CCDC38: variants seen among roughly 807,000 people sequenced by gnomAD.
CCDC38 encodes the protein coiled-coil domain-containing protein 38.
A neutral mutation model predicts 72.8 loss-of-function variants in CCDC38; 69 were observed. The ratio of observed to expected loss-of-function variants is 0.95; its 90% CI spans 0.78 to 1.16. The LOEUF (loss-of-function observed/expected upper bound fraction) is 1.16. Ranked by LOEUF, CCDC38 falls within the 50% of genes most tolerant of loss-of-function variation. The probability of loss-of-function intolerance (pLI) is 0.00; values close to 1 mark genes in which losing one functional copy is unlikely to be tolerated. For missense variants in CCDC38, 626 were observed against 638.9 expected (o/e 0.98, Z 0.22); for synonymous variants, 201 against 213.2 (o/e 0.94, Z 0.50).
rs143229261 is a variant in CCDC38 at position 95,879,644 on chromosome 12, G to A, written c.1142C>T (p.Thr381Ile). The change falls in exon 12 of 16, where the codon ACA becomes ATA. Residue 381 changes from threonine (T) to isoleucine (I), a missense_variant and splice_region_variant. By Grantham distance (89) the Thr-to-Ile change is moderately conservative. Coordinates refer to ENST00000344280, the MANE Select transcript of CCDC38 (RefSeq NM_182496.3). This position sits in a 1 kb window ranked among gnomAD's most constrained non-coding sequence, Gnocchi z 5.5. ...AATCTACTTGTTTATAATGACTTAC[G>A]TTTTATCCTGTATAACTTTTTCTCT... ...NKREKVIQDK[T>I]NSNIEFLLEQ... 288 of 1,577,628 alleles carry A rather than the reference G, an allele frequency of 1.8e-4. No individual in the cohort carries two copies. The highest frequency in any genetic ancestry group is 2.3e-4 in the Non-Finnish European group (270 of 1,152,436).
At chr12:95,889,268 C>G (rs1271900163) in intron 9 of CCDC38, 1 of 153,332 alleles carries the variant, frequency 6.5e-6, no homozygotes, top group Non-Finnish European at 1.5e-5. Flanking sequence ...CCTCAGCCTC[C>G]CAAAGTGCTA....
chr12:95,878,122 A>C, intron 13 of CCDC38, 89 bp downstream of exon 13: 3 of 1,430,680 alleles, frequency 2.1e-6, no homozygotes, highest in Non-Finnish European at 2.9e-6. Context: ...GATTTGCTTT[A>C]ACTCTCCTAT....
In CCDC38 at chr12:95,917,202, G is replaced by T. The variant is rs148362004; in HGVS notation, c.231C>A (p.Phe77Leu). The T allele has an allele frequency of 1.1e-5, 18 of 1,610,084 alleles. No individual in the cohort carries two copies. In the African/African-American group the frequency reaches 1.9e-4, roughly 17 times the overall value. Residue 77 changes from phenylalanine to leucine, a missense_variant, in exon 4 of 16, where the codon TTC becomes TTA. Coordinates refer to ENST00000344280, the MANE Select transcript of CCDC38 (RefSeq NM_182496.3). ...KSHSYLSQLA[F>L]YPKRSGRSFE... ...ATGACCTACCACTCCTTTTAGGGTA[G>T]AAAGCTAGTTGGCTCAGGTATGAAT...
chr12:95,918,748 T>C, intron 3 of CCDC38, 128 bp downstream of exon 3: 2 of 630,636 alleles, frequency 3.2e-6, no homozygotes, highest in Non-Finnish European at 5.7e-6. Context: ...CTCCCCATCA[T>C]GGTGTGGGGC....
intron 2 of CCDC38, among the ~76,000 whole-genome samples, chr12:95,923,953 T>C (rs1276764264): frequency 7.3e-6 from 1 of 137,028 alleles, no homozygotes; most frequent in Admixed American, 7.5e-5. Context: ...TGTTGGACAT[T>C]TGGGTTGGTT....
In CCDC38 at chr12:95,882,488, G is replaced by A. The variant is rs187015049; in HGVS notation, c.921-934C>T. On this transcript the variant is annotated intron_variant, in intron 10 of 15. Coordinates refer to ENST00000344280, the MANE Select transcript of CCDC38 (RefSeq NM_182496.3). ...TTGCTTTATTCATGTTGAGTTTGAG[G>A]GGACAAAATACACACCTGGAGCTGC... 3.3e-5 allele frequency among the ~76,000 whole-genome samples: 5 copies of A among 152,244 alleles called. No homozygotes were observed. The East Asian group carries it at 9.7e-4, about 29-fold the overall frequency.
intron 9 of CCDC38, 122 bp from the exon 10 acceptor site, chr12:95,888,628 C>A (rs2079787000): frequency 1.4e-5 from 10 of 740,664 alleles, no homozygotes; most frequent in Non-Finnish European, 1.9e-5. Flanking sequence ...CACAGACATG[C>A]CCATTACTTC....
chr12:95,932,374 C>T (rs1052217987), intron 2 of CCDC38, among the ~76,000 whole-genome samples: 1 of 151,958 alleles, frequency 6.6e-6, no homozygotes, highest in African/African-American at 2.4e-5. Flanking sequence ...TTCCTTCTTT[C>T]CCTCCTTTCT....
intron 4 of CCDC38, 81 bp from the exon 5 acceptor site, chr12:95,906,532 A>G (rs906185017): frequency 7.6e-5 from 73 of 966,662 alleles, no homozygotes; most frequent in Non-Finnish European, 1.0e-4. Flanking sequence ...ATATAATTAA[A>G]TTATTCTACA....
chr12:95,922,493 A>T (rs569954157), intron 2 of CCDC38, among the ~76,000 whole-genome samples: 164 of 152,244 alleles, frequency 1.1e-3, no homozygotes, highest in African/African-American at 3.8e-3. Context: ...GATGTGATTG[A>T]CTTGTTTGAA....
At chr12:95,883,489 C>T (rs967947167) in intron 10 of CCDC38, among the ~76,000 whole-genome samples, 1 of 152,102 alleles carries the variant, frequency 6.6e-6, no homozygotes, top group Admixed American at 6.6e-5. Flanking sequence ...GAAAGCACTC[C>T]CTCTTCCAGA....
At chr12:95,923,750 T>A (rs2080235690) in intron 2 of CCDC38, among the ~76,000 whole-genome samples, 1 of 151,556 alleles carries the variant, frequency 6.6e-6, no homozygotes, top group Non-Finnish European at 1.5e-5. Flanking sequence ...TGTCCATGTG[T>A]TCTCATTGTT....
chr12:95,902,539 G>A (rs2079960840), intron 5 of CCDC38, among the ~76,000 whole-genome samples: 1 of 152,126 alleles, frequency 6.6e-6, no homozygotes, highest in Non-Finnish European at 1.5e-5. Context: ...CATGTTGGTA[G>A]AATATCCATA....
At chr12:95,886,030 C>T (rs974368217) in intron 10 of CCDC38, among the ~76,000 whole-genome samples, 1 of 151,052 alleles carries the variant, frequency 6.6e-6, no homozygotes, top group African/African-American at 2.4e-5. Flanking sequence ...GAAATCAAGG[C>T]CATACATAAT....
chr12:95,940,830 A>C (rs2080441870), intron 1 of CCDC38, among the ~76,000 whole-genome samples: 1 of 152,010 alleles, frequency 6.6e-6, no homozygotes, highest in African/African-American at 2.4e-5. Flanking sequence ...TTTAGTATGG[A>C]CGCTTCTGTT....
chr12:95,892,815 C>T (rs1048024820), intron 8 of CCDC38, among the ~76,000 whole-genome samples: 16 of 151,930 alleles, frequency 1.1e-4, no homozygotes, highest in Non-Finnish European at 1.6e-4. Context: ...GTGATCCACC[C>T]ACCTTGGCCT....
At chr12:95,884,795 T>G (rs1026766235) in intron 10 of CCDC38, among the ~76,000 whole-genome samples, 1 of 152,236 alleles carries the variant, frequency 6.6e-6, no homozygotes, top group African/African-American at 2.4e-5. Context: ...AGGACACCAG[T>G]CATACTGAAT....
rs141952202 is a variant in CCDC38, at chr12:95,890,832, C to T, written c.871G>A (p.Gly291Arg). ...EDASQGRDSQGKPSRSLTRTP... is the reference protein window; with the variant it reads ...EDASQGRDSQRKPSRSLTRTP... ...TCATGAGTCCCAAATCTACCTTTAC[C>T]TTGGCTGTCTCTTCCCTGAGAAGCA... Residue 291 changes from glycine to arginine, a missense_variant and splice_region_variant, in exon 9 of 16, where the codon GGA becomes AGA. Coordinates refer to ENST00000344280, the MANE Select transcript of CCDC38 (RefSeq NM_182496.3). 1.2e-5 allele frequency: 19 copies of T among 1,579,548 alleles called. No individual in the cohort carries two copies. The African/African-American group carries it at 2.4e-4, about 20-fold the overall frequency.
At chr12:95,894,607 C>T (rs907634842) in intron 8 of CCDC38, among the ~76,000 whole-genome samples, 3 of 152,170 alleles carry the variant, frequency 2.0e-5, no homozygotes, top group African/African-American at 4.8e-5. Flanking sequence ...TTCCCCTCCC[C>T]GTTGCTTCTC....
Sources: allele counts gnomAD v4.1 joint callset (sites outside exome capture counted in the v4.1 genomes callset), GRCh38; gene constraint gnomAD v4.1.1; non-coding constraint Gnocchi (gnomAD v3.1); transcripts MANE v1.5; gene names NCBI Gene and HGNC (gene_info 2026-07-23, HGNC 2026-07-21).